The following GALNT9 variants were observed in gnomAD, a reference collection of about 807,000 sequenced individuals.
GALNT9 encodes the protein polypeptide N-acetylgalactosaminyltransferase 9, also known as GalNAc transferase 9.
In GALNT9, 47 loss-of-function variants were observed where a neutral mutation model predicts 63.1. That is an observed-to-expected ratio of 0.75 (90% CI 0.59 to 0.95). The LOEUF is 0.95. Ranked by LOEUF, GALNT9 falls within the 40% of genes least tolerant of loss-of-function variation. The probability of loss-of-function intolerance (pLI) is 0.00; values close to 1 mark genes in which losing one functional copy is unlikely to be tolerated. For missense variants in GALNT9, 829 were observed against 874.8 expected, an observed-to-expected ratio of 0.95 and a Z score of 0.66; for synonymous variants, 396 against 365.7, an observed-to-expected ratio of 1.08 and a Z score of -0.94.
Position 132,225,996 on chromosome 12 carries a change from C to T in GALNT9, c.1077+21914G>A, listed in dbSNP as rs1383901296. Among the ~76,000 whole-genome samples the T allele has an allele frequency of 3.0e-3, 436 of 143,614 alleles. 4 individuals are homozygous for T. Among genetic ancestry groups the T allele is most frequent in the Admixed American group, 0.02 (290 of 14,568 alleles). 94.2% of individuals were successfully genotyped at this position (143,614 alleles called of 152,430 possible). On this transcript the variant is annotated intron_variant, in intron 6 of 10. Coordinates refer to ENST00000328957, the MANE Select transcript of GALNT9 (RefSeq NM_001122636.2). ...CTGTACACACCCCACACACATACAC[C>T]CCACACACCCCACATTGTACACACC...
At chr12:132,253,407 A>G (rs1232933781) in intron 5 of GALNT9, among the ~76,000 whole-genome samples, 1 of 151,854 alleles carries the variant, frequency 6.6e-6, no homozygotes, top group African/African-American at 2.4e-5. Context: ...CGCTTGACCA[A>G]GGAGCCCTCA....
chr12:132,210,086 G>C (rs111579867), intron 6 of GALNT9, among the ~76,000 whole-genome samples: 4 of 152,320 alleles, frequency 2.6e-5, no homozygotes, highest in African/African-American at 9.6e-5. Flanking sequence ...CACCAAGGCT[G>C]AGGGGCCGTC....
At position 132,286,474 on chromosome 12, in the gene GALNT9, G is replaced by A. The variant is rs1006558041; in HGVS notation, c.239-44C>T. 11 of 1,517,406 alleles carry A rather than the reference G, an allele frequency of 7.2e-6. No individual in the cohort carries two copies. The highest frequency in any genetic ancestry group is 4.2e-5 in the African/African-American group (3 of 71,974). 94.0% of individuals were successfully genotyped at this position (1,517,406 alleles called of 1,614,324 possible). A position where few individuals can be genotyped will look rare whatever the true frequency, so the allele number is the denominator to read the frequency against. ...GGGAGGTCAGGCAGGCCCAGGACAC[G>A]CTGCGTCTGCACCCAGGAGACGCCC... On this transcript the variant is annotated intron_variant, in intron 1 of 10. Transcript: ENST00000328957. This position sits in a 1 kb window ranked among gnomAD's most constrained non-coding sequence, Gnocchi z 7.4.
At chr12:132,289,127 C>A (rs1344540974) in intron 1 of GALNT9, among the ~76,000 whole-genome samples, 2 of 152,222 alleles carry the variant, frequency 1.3e-5, no homozygotes, top group Admixed American at 1.3e-4. Context: ...CTCATGCCAA[C>A]GTTCAGCTCC....
intron 1 of GALNT9, among the ~76,000 whole-genome samples, chr12:132,300,904 G>A (rs1366817813): frequency 6.6e-6 from 1 of 152,264 alleles, no homozygotes; most frequent in Non-Finnish European, 1.5e-5. Context: ...TAACCCCTTG[G>A]AGAGGGCAGA....
rs1555245711 is a variant in GALNT9, at chr12:132,316,786, C to T, written c.238+12180G>A. Reference sequence around the variant, plus strand: ...GGCGCTCACATGGGGTACTCGGACCCATAGGGACATTTGGTGAGACCTGGG... The same window carrying T: ...GGCGCTCACATGGGGTACTCGGACCTATAGGGACATTTGGTGAGACCTGGG... On this transcript the variant is annotated intron_variant, in intron 1 of 10. Transcript: ENST00000328957. The surrounding 1 kb of genome is among the most constrained non-coding windows in gnomAD (Gnocchi z 4.3). Among the ~76,000 whole-genome samples the T allele has an allele frequency of 6.6e-6, 1 of 152,074 alleles. No homozygotes were observed. The highest frequency in any genetic ancestry group is 2.4e-5 in the African/African-American group (1 of 41,350).
chr12:132,271,624 T>C (rs1555240726), intron 2 of GALNT9, among the ~76,000 whole-genome samples: 1 of 152,162 alleles, frequency 6.6e-6, no homozygotes, highest in African/African-American at 2.4e-5. Flanking sequence ...CCCTGCTTTT[T>C]AGACACAAAC....
intron 8 of GALNT9, chr12:132,200,528 C>T (rs1875965351): frequency 6.6e-6 from 1 of 152,628 alleles, no homozygotes; most frequent in African/African-American, 2.4e-5. Flanking sequence ...TGCTTGATAA[C>T]AAGGGCCTGT....
intron 6 of GALNT9, among the ~76,000 whole-genome samples, chr12:132,214,634 T>C (rs2135516039): frequency 6.6e-6 from 1 of 152,350 alleles, no homozygotes; most frequent in Admixed American, 6.5e-5. Context: ...CACCCGGCCT[T>C]GCCCATTCCT....
rs1224946559 is a variant in GALNT9, at chr12:132,310,817, T to C, written c.238+18149A>G. Among the ~76,000 whole-genome samples the C allele has an allele frequency of 6.6e-6, 1 of 152,128 alleles. No individual in the cohort carries two copies. The highest frequency in any genetic ancestry group is 1.5e-5 in the Non-Finnish European group (1 of 68,020). On this transcript the variant is annotated intron_variant, in intron 1 of 10. Transcript: ENST00000328957. This position sits in a 1 kb window ranked among gnomAD's most constrained non-coding sequence, Gnocchi z 4.8. ...CTCCCACGCAAAGAGGAACTAGGTG[T>C]GGCTGTGGCCTGAGGGAGGTGATCC...
At chr12:132,302,467 G>A (rs1369573932) in intron 1 of GALNT9, among the ~76,000 whole-genome samples, 16 of 152,168 alleles carry the variant, frequency 1.1e-4, no homozygotes, top group African/African-American at 3.6e-4. Context: ...AACTTTGATG[G>A]CTGCAAACAT....
At chr12:132,284,662 T>C (rs1436460421) in intron 2 of GALNT9, 1 of 152,242 alleles carries the variant, frequency 6.6e-6, no homozygotes, top group Non-Finnish European at 1.5e-5. Flanking sequence ...GCCCTGTTTG[T>C]CTAAAGGACT....
In GALNT9 at chr12:132,205,622, T is replaced by G. The variant is rs1201529150; in HGVS notation, c.1078-1932A>C. 3 of 152,476 alleles carry G rather than the reference T, an allele frequency of 2.0e-5. No homozygotes were observed. In the East Asian group the frequency reaches 5.8e-4, roughly 29 times the overall value. 9.4% of individuals were successfully genotyped at this position (152,476 alleles called of 1,614,324 possible). A position where few individuals can be genotyped will look rare whatever the true frequency, so the allele number is the denominator to read the frequency against. ...CGGCGCCGCCGTGCCAGGCTGAAGT[T>G]GGCCTTTGCATCCCGAGGGAGCGAA... is the stretch of plus-strand genomic sequence containing the variant. On this transcript the variant is annotated intron_variant, in intron 6 of 10. Coordinates refer to ENST00000328957, the MANE Select transcript of GALNT9 (RefSeq NM_001122636.2).
At chr12:132,305,277 ACCCTCGCCCGGACACG>A (rs1555244519) in intron 1 of GALNT9, among the ~76,000 whole-genome samples, 3 of 49,444 alleles carry the variant, frequency 6.1e-5, no homozygotes, top group East Asian at 1.1e-3. Context: ...ACCGGGGCAC[ACCCTCGCCCGGACACG>A]CCCTCACCGG....
In GALNT9 at chr12:132,245,202, G is replaced by A. The variant is rs1025972436; in HGVS notation, c.1077+2708C>T. On this transcript the variant is annotated intron_variant, in intron 6 of 10. Coordinates refer to ENST00000328957, the MANE Select transcript of GALNT9 (RefSeq NM_001122636.2). The surrounding 1 kb of genome is among the most constrained non-coding windows in gnomAD (Gnocchi z 6.3). ...CACACCTGGAATCCCAGCACTGTGG[G>A]AGGCAGAGGCGGGCAGATCACCTGA... 1.3e-4 allele frequency among the ~76,000 whole-genome samples: 20 copies of A among 152,116 alleles called. No individual in the cohort carries two copies. Among genetic ancestry groups the A allele is most frequent in the African/African-American group, 4.3e-4 (18 of 41,386 alleles).
Position 132,286,952 on chromosome 12 carries a change from C to T in GALNT9, c.239-522G>A, listed in dbSNP as rs554896163. Among the ~76,000 whole-genome samples the T allele has an allele frequency of 1.1e-4, 16 of 152,230 alleles. No individual in the cohort carries two copies. In the South Asian group the frequency reaches 3.1e-3, roughly 30 times the overall value. On this transcript the variant is annotated intron_variant, in intron 1 of 10. Coordinates refer to ENST00000328957, the MANE Select transcript of GALNT9 (RefSeq NM_001122636.2). This position sits in a 1 kb window ranked among gnomAD's most constrained non-coding sequence, Gnocchi z 7.4. ...CTCCTGACCTCAAGCGATCCACCTA[C>T]CTAGGCCTCCCAAAGTGCTGGGATT...
intron 4 of GALNT9, among the ~76,000 whole-genome samples, chr12:132,260,584 G>A (rs746858502): frequency 2.6e-5 from 4 of 152,188 alleles, no homozygotes; most frequent in East Asian, 1.9e-4. Flanking sequence ...TTCCCACCCC[G>A]CGGGGGACAC....
At chr12:132,291,917 C>G (rs1005495104) in intron 1 of GALNT9, among the ~76,000 whole-genome samples, 1 of 152,214 alleles carries the variant, frequency 6.6e-6, no homozygotes, top group Non-Finnish European at 1.5e-5. Flanking sequence ...CTTGCGGTTC[C>G]GGCTCCTCAC....
At chr12:132,304,297 A>G (rs375439254) in intron 1 of GALNT9, among the ~76,000 whole-genome samples, 2,441 of 31,050 alleles carry the variant, frequency 0.079, 1 homozygote, top group East Asian at 0.22. Flanking sequence ...CCTCGCCCGG[A>G]CACACCCTCA....
Sources: gnomAD v4.1 joint callset for allele counts (sites outside exome capture counted in the v4.1 genomes callset) on GRCh38, gnomAD v4.1.1 for gene constraint, Gnocchi (gnomAD v3.1) non-coding constraint, MANE v1.5 for transcripts, NCBI Gene and HGNC (gene_info 2026-07-23, HGNC 2026-07-21) for gene names.